The following CCNI variants were observed in gnomAD, a reference collection of about 807,000 sequenced individuals.
CCNI encodes cyclin-I.
Under a neutral mutation model 34.1 loss-of-function variants are expected in CCNI, and 14 were observed. That is an observed-to-expected ratio of 0.41 (90% CI 0.27 to 0.64). CCNI has a LOEUF of 0.64. Ranked by LOEUF, CCNI falls within the 30% of genes least tolerant of loss-of-function variation. The pLI, the probability that CCNI is intolerant of heterozygous loss-of-function variation, is 0.31. For synonymous variants in CCNI, 154 were observed against 158.4 expected, an observed-to-expected ratio of 0.97 and a Z score of 0.21; for missense variants, 385 against 440.5, an observed-to-expected ratio of 0.87 and a Z score of 1.13.
At chr4:77,073,922 A>T (rs1367321785) in intron 1 of CCNI, among the ~76,000 whole-genome samples, 1 of 152,186 alleles carries the variant, frequency 6.6e-6, no homozygotes, top group African/African-American at 2.4e-5. Flanking sequence ...CTATTTGACT[A>T]CCTATTGTTC....
chr4:77,066,526 C>T, intron 1 of CCNI, 121 bp from the exon 2 acceptor site: 1 of 646,684 alleles, frequency 1.5e-6, no homozygotes. Context: ...GATTTTATAG[C>T]TCTTTAAAAT....
rs564690686 is a variant in CCNI, at chr4:77,063,047, A to G, written c.114+3202T>C. On this transcript the variant is annotated intron_variant, in intron 2 of 6. Coordinates refer to ENST00000237654, the MANE Select transcript of CCNI (RefSeq NM_006835.3). ...CTCACAGTCAAATCACCAGAAAATT[A>G]TAATACTTTGTGCTGTCATAAGGGA... Among the ~76,000 whole-genome samples, 5 of 152,342 alleles carry G rather than the reference A, an allele frequency of 3.3e-5. No homozygotes were observed. The South Asian group carries it at 6.2e-4, about 19-fold the overall frequency.
chr4:77,074,215 T>C (rs1333631052), intron 1 of CCNI, among the ~76,000 whole-genome samples: 1 of 152,222 alleles, frequency 6.6e-6, no homozygotes, highest in African/African-American at 2.4e-5. Flanking sequence ...AAACTACCTG[T>C]AACTGCAGAT....
At chr4:77,055,917 A>G (rs1728188331) in intron 5 of CCNI, 45 bp downstream of exon 5, 1 of 1,476,526 alleles carries the variant, frequency 6.8e-7, no homozygotes, top group South Asian at 1.3e-5. Context: ...TTTACTGAAA[A>G]CTACACACTC....
chr4:77,069,979 G>C (rs1729338600), intron 1 of CCNI, among the ~76,000 whole-genome samples: 1 of 149,632 alleles, frequency 6.7e-6, no homozygotes, highest in Non-Finnish European at 1.5e-5. Context: ...TTCTAAATTA[G>C]CTTTAATTTT....
At chr4:77,072,706 T>C (rs1462355229) in intron 1 of CCNI, among the ~76,000 whole-genome samples, 1 of 150,046 alleles carries the variant, frequency 6.7e-6, no homozygotes, top group Non-Finnish European at 1.5e-5. Context: ...CTAGATCCTG[T>C]ACTGGAAGGA....
intron 1 of CCNI, among the ~76,000 whole-genome samples, chr4:77,067,875 T>C (rs892217571): frequency 6.8e-6 from 1 of 148,044 alleles, no homozygotes; most frequent in African/African-American, 2.5e-5. Context: ...ATTAAGAAAC[T>C]GCTAAAGAAT....
At chr4:77,048,744 T>TC (rs2110003241) in intron 6 of CCNI, 82 bp from the exon 7 acceptor site, 1 of 1,070,574 alleles carries the variant, frequency 9.3e-7, no homozygotes, top group Admixed American at 3.0e-5. Flanking sequence ...TGGCCATTTT[T>TC]CCTCCCTGTG....
intron 1 of CCNI, among the ~76,000 whole-genome samples, chr4:77,072,173 G>C (rs187101595): frequency 6.6e-6 from 1 of 151,912 alleles, no homozygotes; most frequent in Admixed American, 6.6e-5. Context: ...TAACCAAGTG[G>C]GATTTGTTCC....
intron 6 of CCNI, among the ~76,000 whole-genome samples, chr4:77,054,719 A>G (rs1728088914): frequency 6.6e-6 from 1 of 152,352 alleles, no homozygotes; most frequent in African/African-American, 2.4e-5. Context: ...AGTTTGGTAT[A>G]AATACTTCAC....
intron 1 of CCNI, among the ~76,000 whole-genome samples, chr4:77,068,935 G>A (rs939726994): frequency 6.6e-5 from 10 of 152,070 alleles, no homozygotes; most frequent in African/African-American, 1.9e-4. Context: ...GTCTTTAAAC[G>A]CCTGAGTTTT....
chr4:77,058,493 C>G lies in CCNI; in HGVS notation c.243+14G>C. 6.2e-7 allele frequency: 1 copy of G among 1,605,742 alleles called. No homozygotes were observed. Among genetic ancestry groups the G allele is most frequent in the Non-Finnish European group, 8.5e-7 (1 of 1,174,826 alleles). The stretch of plus-strand genomic sequence containing the variant: ...CAAATGAGGTTATATGTAAGTCTAT[C>G]TTAAAACACTTACCTTTACGGTAGC... On this transcript the variant is annotated intron_variant, in intron 3 of 6. Coordinates refer to ENST00000237654, the MANE Select transcript of CCNI (RefSeq NM_006835.3).
At chr4:77,051,956 T>TG (rs1727877770) in intron 6 of CCNI, among the ~76,000 whole-genome samples, 2 of 143,204 alleles carry the variant, frequency 1.4e-5, no homozygotes, top group African/African-American at 2.8e-5. Flanking sequence ...GTTTTTTTGT[T>TG]TTTTTTTTTT....
rs541154517 is a variant in CCNI, at chr4:77,056,172, T to G, written c.319-70A>C. 8 of 1,600,200 alleles carry G rather than the reference T, an allele frequency of 5.0e-6. No individual in the cohort carries two copies. In the African/African-American group the frequency reaches 9.4e-5, roughly 19 times the overall value. On this transcript the variant is annotated intron_variant, in intron 4 of 6. Coordinates refer to ENST00000237654, the MANE Select transcript of CCNI (RefSeq NM_006835.3). ...AAAGAAACTCATTTATGATTTTTGT[T>G]TTAGCAAACGAAGCAAGTTAATAAA...
Position 77,047,950 on chromosome 4 carries a change from G to C in CCNI, c.*269C>G, listed in dbSNP as rs953767620. On this transcript the variant is annotated 3_prime_UTR_variant, in exon 7 of 7. Coordinates refer to ENST00000237654, the MANE Select transcript of CCNI (RefSeq NM_006835.3). ...CGTTACATTATGGCAGAAAAAAAGT[G>C]CAACTGACATACTACAAAGAGATTT... is the stretch of plus-strand genomic sequence containing the variant. 6.8e-6 allele frequency: 2 copies of C among 293,446 alleles called. No individual in the cohort carries two copies. The highest frequency in any genetic ancestry group is 4.3e-5 in the African/African-American group (2 of 46,076). The allele number at this position is 293,446 out of a possible 1,614,324, so 18.2% of individuals were successfully genotyped here.
At position 77,049,015 on chromosome 4, in the gene CCNI, C is replaced by T. The variant is rs4252945; in HGVS notation, c.691-353G>A. Among the ~76,000 whole-genome samples, 872 of 135,364 alleles carry T rather than the reference C, an allele frequency of 6.4e-3. 11 individuals carry two copies. Among genetic ancestry groups the T allele is most frequent in the African/African-American group, 0.024 (851 of 35,266 alleles). 88.8% of individuals were successfully genotyped at this position (135,364 alleles called of 152,430 possible). ...AGTCTATTCCCCCTGTCTGGAAGGC[C>T]CTTCATCCTACTCTCTTGGCCTCTT... On this transcript the variant is annotated intron_variant, in intron 6 of 6. Coordinates refer to ENST00000237654, the MANE Select transcript of CCNI (RefSeq NM_006835.3).
chr4:77,066,352 G>C lies in CCNI; in HGVS notation c.11C>G (p.Pro4Arg). Residue 4 changes from proline to arginine, a missense_variant, in exon 2 of 7, where the codon CCA (proline) becomes CGA (arginine). Pro to Arg is a moderately radical substitution (Grantham distance 103). Coordinates refer to ENST00000237654, the MANE Select transcript of CCNI (RefSeq NM_006835.3). MKF[P>R]GPLENQRLSF... ...CAATCTCTGGTTTTCCAAAGGCCCT[G>C]GAAACTTCATGATATCCTTTGGATC... 6.2e-7 allele frequency: 1 copy of C among 1,613,764 alleles called. No individual in the cohort carries two copies. The highest frequency in any genetic ancestry group is 8.5e-7 in the Non-Finnish European group (1 of 1,179,752).
At chr4:77,072,374 T>C (rs1479143534) in intron 1 of CCNI, among the ~76,000 whole-genome samples, 1 of 150,358 alleles carries the variant, frequency 6.7e-6, no homozygotes, top group African/African-American at 2.5e-5. Flanking sequence ...TCCCAGAACT[T>C]TGTGAGGCAG....
chr4:77,050,948 T>C (rs1727782331), intron 6 of CCNI, among the ~76,000 whole-genome samples: 1 of 152,190 alleles, frequency 6.6e-6, no homozygotes, highest in African/African-American at 2.4e-5. Context: ...GGATTAGTTC[T>C]AGGATCCCCC....
Sources: allele counts gnomAD v4.1 joint callset (sites outside exome capture counted in the v4.1 genomes callset), GRCh38; gene constraint gnomAD v4.1.1; transcripts MANE v1.5; gene names NCBI Gene and HGNC (gene_info 2026-07-23, HGNC 2026-07-21).